ALDH1A1: variants seen among roughly 807,000 people sequenced by gnomAD.
The protein encoded by ALDH1A1 is aldehyde dehydrogenase 1 family member A1.
In ALDH1A1, 19 loss-of-function variants were observed where a neutral mutation model predicts 62.1. That is an observed-to-expected ratio of 0.31 (90% CI 0.21 to 0.45). The LOEUF is 0.45. Ranked by LOEUF, ALDH1A1 falls within the 20% of genes least tolerant of loss-of-function variation. The pLI is 1.00. For synonymous variants in ALDH1A1, 231 were observed against 215.9 expected (o/e 1.07, Z -0.61); for missense variants, 521 against 607.1 (o/e 0.86, Z 1.49).
chr9:72,921,196 C>T (rs994134690), intron 7 of ALDH1A1, among the ~76,000 whole-genome samples: 1 of 148,424 alleles, frequency 6.7e-6, no homozygotes, highest in Non-Finnish European at 1.5e-5. Context: ...GAGCCAAGAT[C>T]ACGCCACTGC....
chr9:72,928,772 G>A, intron 4 of ALDH1A1, 120 bp downstream of exon 4: 1 of 1,142,826 alleles, frequency 8.8e-7, no homozygotes, highest in East Asian at 2.7e-5. Flanking sequence ...AAAGTCAAGA[G>A]GAAAATAATT....
intron 12 of ALDH1A1, among the ~76,000 whole-genome samples, chr9:72,904,804 T>C (rs1564620153): frequency 6.6e-6 from 1 of 152,120 alleles, no homozygotes; most frequent in South Asian, 2.1e-4. Context: ...TCTACCTCCA[T>C]AGGATATGGA....
Position 72,918,762 on chromosome 9 carries a change from G to T in ALDH1A1, c.808C>A (p.Leu270Ile). The change falls in exon 8 of 13, where the codon CTT becomes ATT. Residue 270 changes from leucine to isoleucine, a missense_variant. Coordinates refer to ENST00000297785, the MANE Select transcript of ALDH1A1 (RefSeq NM_000689.5). ...KSNLKRVTLELGGKSPCIVLA... is the reference protein window; with the variant it reads ...KSNLKRVTLEIGGKSPCIVLA... ...ACAATGCAAGGGCTCTTTCCTCCAA[G>T]CTCCAGGGTCACCCTCTTCAGATTG... 1 of 1,613,710 alleles carries T rather than the reference G, an allele frequency of 6.2e-7. No individual in the cohort carries two copies. The highest frequency in any genetic ancestry group is 8.5e-7 in the Non-Finnish European group (1 of 1,179,916).
intron 12 of ALDH1A1, among the ~76,000 whole-genome samples, chr9:72,904,003 G>A (rs1829840949): frequency 6.6e-6 from 1 of 152,014 alleles, no homozygotes; most frequent in African/African-American, 2.4e-5. Flanking sequence ...CCCATTTGTT[G>A]AATTTACACT....
At chr9:72,928,757 G>T in intron 4 of ALDH1A1, 135 bp downstream of exon 4, 3 of 986,342 alleles carry the variant, frequency 3.0e-6, no homozygotes, top group Admixed American at 2.9e-5. Context: ...AAACTGTGTT[G>T]TCTCAAAGTC....
chr9:72,908,531 GA>G (rs1207942759), intron 11 of ALDH1A1, among the ~76,000 whole-genome samples: 5 of 116,266 alleles, frequency 4.3e-5, no homozygotes, highest in African/African-American at 1.4e-4. Context: ...AAGAAAGAAA[GA>G]AAGAAAGAAA....
At chr9:72,910,529 C>T (rs1286771462) in intron 10 of ALDH1A1, among the ~76,000 whole-genome samples, 1 of 152,148 alleles carries the variant, frequency 6.6e-6, no homozygotes, top group Non-Finnish European at 1.5e-5. Context: ...TACTCTTTTG[C>T]TTTCACTAAG....
intron 1 of ALDH1A1, chr9:72,942,440 C>A (rs1830425609): frequency 7.8e-6 from 7 of 900,102 alleles, no homozygotes; most frequent in Non-Finnish European, 9.3e-6. Context: ...CCCTAGGTAC[C>A]CTTTTGTATC....
chr9:72,952,662 T>G (rs1830557166), intron 1 of ALDH1A1, among the ~76,000 whole-genome samples: 1 of 151,960 alleles, frequency 6.6e-6, no homozygotes, highest in African/African-American at 2.4e-5. Context: ...CTTAGTAAAG[T>G]CCTCTGAATC....
At chr9:72,914,247 A>G (rs868477204) in intron 9 of ALDH1A1, among the ~76,000 whole-genome samples, 16 of 152,258 alleles carry the variant, frequency 1.1e-4, no homozygotes, top group Non-Finnish European at 2.9e-5. Context: ...TTCAGAAACC[A>G]TGTATCAACA....
At chr9:72,920,797 A>T (rs935638437) in intron 7 of ALDH1A1, among the ~76,000 whole-genome samples, 2 of 152,224 alleles carry the variant, frequency 1.3e-5, no homozygotes, top group South Asian at 2.1e-4. Context: ...TTCTCAAAGG[A>T]GTATGCAATG....
At chr9:72,908,434 CAAAAAA>C (rs386415096) in intron 11 of ALDH1A1, among the ~76,000 whole-genome samples, 1 of 2,488 alleles carries the variant, frequency 4.0e-4, no homozygotes, top group Middle Eastern at 0.17. Flanking sequence ...GACTCCAGCT[CAAAAAA>C]AAAAAAAAAA....
intron 5 of ALDH1A1, 66 bp downstream of exon 5, chr9:72,927,050 T>G: frequency 8.6e-7 from 1 of 1,157,960 alleles, no homozygotes; most frequent in Non-Finnish European, 1.2e-6. Flanking sequence ...TAGAGAAAGC[T>G]TCATCATTAG....
In ALDH1A1 at chr9:72,949,466, CACTT is replaced by C. The variant is rs1830511723; in HGVS notation, c.66+3465_66+3468del. 4.6e-5 allele frequency among the ~76,000 whole-genome samples: 7 copies of C among 151,882 alleles called. No homozygotes were observed. In the South Asian group the frequency reaches 1.5e-3, roughly 32 times the overall value. ...GCCAGCATTGGCAGTGTAGCTTTGT[CACTT>C]ACTTGCTGTGTAACTTTAGTAAGTT... On this transcript the variant is annotated intron_variant, in intron 1 of 12. Coordinates refer to ENST00000297785, the MANE Select transcript of ALDH1A1 (RefSeq NM_000689.5).
chr9:72,913,646 T>C (rs984190004), intron 9 of ALDH1A1, among the ~76,000 whole-genome samples: 1 of 152,232 alleles, frequency 6.6e-6, no homozygotes, highest in Non-Finnish European at 1.5e-5. Context: ...ATCAAATCCC[T>C]GCATACATAC....
At chr9:72,930,546 AT>A (rs1830268246) in intron 3 of ALDH1A1, among the ~76,000 whole-genome samples, 1 of 152,156 alleles carries the variant, frequency 6.6e-6, no homozygotes, top group South Asian at 2.1e-4. Flanking sequence ...CTAATATATC[AT>A]TCTAGGAGAC....
At chr9:72,911,896 GTA>G (rs1350615058) in intron 10 of ALDH1A1, 60 bp downstream of exon 10, 18 of 1,575,676 alleles carry the variant, frequency 1.1e-5, no homozygotes, top group Non-Finnish European at 1.5e-5. Context: ...GTGACACTTT[GTA>G]TACACACAAA....
At chr9:72,931,774 A>G (rs911969362) in intron 2 of ALDH1A1, among the ~76,000 whole-genome samples, 22 of 152,216 alleles carry the variant, frequency 1.4e-4, no homozygotes, top group African/African-American at 5.3e-4. Context: ...TCATTTCCCA[A>G]CTGGGTACAA....
rs773007129 is a variant in ALDH1A1, at chr9:72,928,895, T to C, written c.439A>G (p.Ile147Val). ...GTGGTTTCTCAAAGATACTTACCAATTGGTATTGTACGGCCCTGGATCTTG... is the reference window on the plus strand; with the variant it reads ...GTGGTTTCTCAAAGATACTTACCAACTGGTATTGTACGGCCCTGGATCTTG... Reference protein sequence around the residue: ...ADKIQGRTIPIDGNFFTYTRH... With the variant: ...ADKIQGRTIPVDGNFFTYTRH... Residue 147 changes from isoleucine (I) to valine (V), a missense_variant, in exon 4 of 13, where the codon ATT becomes GTT. Coordinates refer to ENST00000297785, the MANE Select transcript of ALDH1A1 (RefSeq NM_000689.5). The C allele has an allele frequency of 1.5e-5, 24 of 1,613,350 alleles. 2 individuals carry two copies. In the South Asian group the frequency reaches 1.8e-4, roughly 12 times the overall value.
Sources: gnomAD v4.1 joint callset for allele counts (sites outside exome capture counted in the v4.1 genomes callset) on GRCh38, gnomAD v4.1.1 for gene constraint, MANE v1.5 for transcripts, NCBI Gene and HGNC (gene_info 2026-07-23, HGNC 2026-07-21) for gene names.